The following MYO9B variants were observed in gnomAD, a reference collection of about 807,000 sequenced individuals.
MYO9B encodes the protein unconventional myosin-IXb.
Under a neutral mutation model 229.5 loss-of-function variants are expected in MYO9B, and 71 were observed. That is an observed-to-expected ratio of 0.31 (90% CI 0.26 to 0.38). MYO9B has a LOEUF of 0.38. MYO9B is among the 10% of genes least tolerant of loss of function. The pLI, the probability that MYO9B is intolerant of heterozygous loss-of-function variation, is 1.00. For missense variants in MYO9B, 2,255 were observed against 2,920.5 expected (o/e 0.77, Z 5.25); for synonymous variants, 1,185 against 1,235.8 (o/e 0.96, Z 0.86).
At chr19:17,198,090 C>G (rs916523466) in intron 23 of MYO9B, 94 bp from the exon 24 acceptor site, 1 of 1,519,734 alleles carries the variant, frequency 6.6e-7, no homozygotes, top group African/African-American at 1.4e-5. Flanking sequence ...GAAGTGAGGT[C>G]GGTGGATGGA....
intron 25 of MYO9B, 101 bp downstream of exon 25, chr19:17,200,527 C>A: frequency 1.3e-6 from 2 of 1,509,680 alleles, no homozygotes; most frequent in South Asian, 1.3e-5. Context: ...GTGGGCCAAG[C>A]CCTAGGCACA....
intron 1 of MYO9B, among the ~76,000 whole-genome samples, chr19:17,098,049 C>T (rs1005999576): frequency 1.4e-5 from 2 of 147,780 alleles, no homozygotes; most frequent in African/African-American, 2.5e-5. Flanking sequence ...TTCAGAACCC[C>T]CCCCCCCCAC....
chr19:17,211,277 G>C (rs2073225833), intron 38 of MYO9B, among the ~76,000 whole-genome samples: 1 of 151,800 alleles, frequency 6.6e-6, no homozygotes, highest in Admixed American at 6.6e-5. Context: ...CACCGCACTC[G>C]GCCTTTATTT....
chr19:17,158,104 C>T lies in MYO9B; in HGVS notation c.1329+1066C>T, dbSNP rs185821134. Among the ~76,000 whole-genome samples, 9 of 152,264 alleles carry T rather than the reference C, an allele frequency of 5.9e-5. No homozygotes were observed. In the East Asian group the frequency reaches 9.7e-4, roughly 16 times the overall value. ...CACCCCACAGCGCACAGGACAGCCC[C>T]CCAATGGCAAAGAATTATCCAACCC... On this transcript the variant is annotated intron_variant, in intron 7 of 39. Transcript: ENST00000682292.
In MYO9B at chr19:17,206,158, C is replaced by T. The variant is rs201698829; in HGVS notation, c.5257+6C>T. The T allele has an allele frequency of 4.1e-4, 654 of 1,608,496 alleles. 1 individual carries two copies. Among genetic ancestry groups the T allele is most frequent in the African/African-American group, 1.9e-3 (140 of 74,972 alleles). ...CCGGCAGGCGCTGCAGACAGGTGGG[C>T]GCTGTGGGCAGGTGGGTGCAGTGCC... On this transcript the variant is annotated splice_donor_region_variant and intron_variant, in intron 32 of 39. Coordinates refer to ENST00000682292, the MANE Select transcript of MYO9B (RefSeq NM_004145.4).
At chr19:17,128,928 T>C (rs986978004) in intron 2 of MYO9B, among the ~76,000 whole-genome samples, 3 of 152,178 alleles carry the variant, frequency 2.0e-5, no homozygotes, top group Admixed American at 6.5e-5. Flanking sequence ...GGTGGCTCGA[T>C]ATTTGCAGAT....
At chr19:17,194,369 G>T (rs531940565) in intron 21 of MYO9B, among the ~76,000 whole-genome samples, 187 bp from the exon 22 acceptor site, 5 of 152,080 alleles carry the variant, frequency 3.3e-5, no homozygotes, top group Non-Finnish European at 5.9e-5. Context: ...TGACACTGAG[G>T]GGGCACCACC....
intron 8 of MYO9B, among the ~76,000 whole-genome samples, chr19:17,160,501 CT>C (rs957502995): frequency 3.4e-5 from 4 of 118,536 alleles, no homozygotes; most frequent in African/African-American, 1.7e-4. Context: ...TTAAGAGCTT[CT>C]TTTTTTTCTT....
At chr19:17,113,755 G>A (rs1164107127) in intron 2 of MYO9B, among the ~76,000 whole-genome samples, 1 of 152,118 alleles carries the variant, frequency 6.6e-6, no homozygotes, top group Non-Finnish European at 1.5e-5. Context: ...CAGTTTTTGG[G>A]GGCCCTGGGT....
In MYO9B at chr19:17,200,802, G is replaced by T. The variant is rs1208264321; in HGVS notation, c.4536G>T (p.Lys1512Asn). 6.2e-7 allele frequency: 1 copy of T among 1,613,912 alleles called. No individual in the cohort carries two copies. The highest frequency in any genetic ancestry group is 1.1e-5 in the South Asian group (1 of 91,090). The change falls in exon 26 of 40, where the codon AAG (lysine) becomes AAT (asparagine). Residue 1512 changes from lysine (K) to asparagine (N), a missense_variant. This residue lies in a region of MYO9B where 416 missense variants were observed against 605.5 expected (regional missense o/e 0.69). Coordinates refer to ENST00000682292, the MANE Select transcript of MYO9B (RefSeq NM_004145.4). The stretch of plus-strand genomic sequence containing the variant: ...AGATCACCAACGCCAATGAGCTCAA[G>T]TACCTGGACGAGTTCCTGCTCAACA... ...FRQITNANELKYLDEFLLNKI... is the reference protein window; with the variant it reads ...FRQITNANELNYLDEFLLNKI...
intron 2 of MYO9B, among the ~76,000 whole-genome samples, chr19:17,128,525 C>T (rs536410608): frequency 4.6e-5 from 7 of 152,248 alleles, no homozygotes; most frequent in African/African-American, 9.6e-5. Flanking sequence ...CAGAACCCCC[C>T]GGTCCCTCAG....
intron 2 of MYO9B, among the ~76,000 whole-genome samples, chr19:17,128,966 G>A (rs1462614438): frequency 6.6e-6 from 1 of 152,164 alleles, no homozygotes; most frequent in Non-Finnish European, 1.5e-5. Flanking sequence ...AGCCTCTCTT[G>A]GCCATACCGG....
Position 17,147,716 on chromosome 19 carries a change from G to A in MYO9B, c.935+2225G>A, listed in dbSNP as rs552553248. On this transcript the variant is annotated intron_variant, in intron 3 of 39. Transcript: ENST00000682292. Reference sequence around the variant, plus strand: ...TTTTTTTTTTTTGAGACAGAGTTTCGCTCTTATTGCCCAGGCTGGAGTACA... The same window carrying A: ...TTTTTTTTTTTTGAGACAGAGTTTCACTCTTATTGCCCAGGCTGGAGTACA... Among the ~76,000 whole-genome samples, 313 of 86,738 alleles carry A rather than the reference G, an allele frequency of 3.6e-3. 1 individual carries two copies. Among genetic ancestry groups the A allele is most frequent in the Non-Finnish European group, 4.9e-3 (235 of 48,248 alleles). 56.9% of individuals were successfully genotyped at this position (86,738 alleles called of 152,430 possible). A position where few individuals can be genotyped will look rare whatever the true frequency, so the allele number is the denominator to read the frequency against.
chr19:17,195,552 T>C lies in MYO9B; in HGVS notation c.4046+79T>C. On this transcript the variant is annotated intron_variant, in intron 22 of 39. Transcript: ENST00000682292. This position sits in a 1 kb window ranked among gnomAD's most constrained non-coding sequence, Gnocchi z 4.5. ...AGGCCAGGGGCAGTGCCACACATCC[T>C]GGAAACACATGTGTAATCATGCCCA... 6.7e-7 allele frequency: 1 copy of C among 1,488,674 alleles called. No homozygotes were observed. Among genetic ancestry groups the C allele is most frequent in the Non-Finnish European group, 9.0e-7 (1 of 1,108,406 alleles). The allele number at this position is 1,488,674 out of a possible 1,614,324, so 92.2% of individuals were successfully genotyped here.
At position 17,206,382 on chromosome 19, in the gene MYO9B, C is replaced by T. The variant is rs1040454898; in HGVS notation, c.5386+6C>T. The T allele has an allele frequency of 6.2e-7, 1 of 1,608,884 alleles. No homozygotes were observed. Among genetic ancestry groups the T allele is most frequent in the Non-Finnish European group, 8.5e-7 (1 of 1,179,130 alleles). ...CGACTTCCTCCGAGCCGTCGGTGAGCCCCATGGCGGTGCGGGTGGCAGCAG... is the reference window on the plus strand; with the variant it reads ...CGACTTCCTCCGAGCCGTCGGTGAGTCCCATGGCGGTGCGGGTGGCAGCAG... On this transcript the variant is annotated splice_donor_region_variant and intron_variant, in intron 33 of 39. Coordinates refer to ENST00000682292, the MANE Select transcript of MYO9B (RefSeq NM_004145.4).
rs1474650503 is a variant in MYO9B at position 17,202,877 on chromosome 19, G to C, written c.4872G>C (p.Glu1624Asp). 2.5e-6 allele frequency: 4 copies of C among 1,602,030 alleles called. No homozygotes were observed. The highest frequency in any genetic ancestry group is 2.6e-6 in the Non-Finnish European group (3 of 1,174,424). ...SKAQKKKRKQ[E>D]RAVQEHNGHV... ...CTCAGAAGAAGAAGCGGAAGCAGGA[G>C]CGTGCTGTGAGTAGGCTGCACATAG... Residue 1624 changes from glutamate to aspartate, a missense_variant, in exon 29 of 40, where the codon GAG (glutamate) becomes GAC (aspartate). This residue lies in a region of MYO9B where 416 missense variants were observed against 605.5 expected (regional missense o/e 0.69). Transcript: ENST00000682292.
chr19:17,195,391 GC>G lies in MYO9B; in HGVS notation c.3966del (p.Ser1323AlafsTer130), dbSNP rs1568296848. On this transcript the variant is annotated frameshift_variant, in exon 22 of 40. Coordinates refer to ENST00000682292, the MANE Select transcript of MYO9B (RefSeq NM_004145.4). LOFTEE classifies it high-confidence loss of function. The surrounding 1 kb of genome is among the most constrained non-coding windows in gnomAD (Gnocchi z 4.5). Reference protein sequence around the residue: ...LWRGKKLVAAASPSAMLSQSL... With the variant: ...LWRGKKLVAAXSPSAMLSQSL... ...GCGGGGCAAGAAGCTGGTGGCCGCC[GC>G]CAGCCCTAGTGCCATGCTCAGCCAG... is the stretch of plus-strand genomic sequence containing the variant. 6.2e-7 allele frequency: 1 copy of G among 1,609,462 alleles called. No individual in the cohort carries two copies. Among genetic ancestry groups the G allele is most frequent in the Non-Finnish European group, 8.5e-7 (1 of 1,179,310 alleles).
In MYO9B at chr19:17,193,703, T is replaced by C. The variant is rs2145453176; in HGVS notation, c.3128+641T>C. Among the ~76,000 whole-genome samples the C allele has an allele frequency of 6.6e-6, 1 of 151,972 alleles. No individual in the cohort carries two copies. The highest frequency in any genetic ancestry group is 1.9e-4 in the East Asian group (1 of 5,148). On this transcript the variant is annotated intron_variant, in intron 21 of 39. Transcript: ENST00000682292. This position sits in a 1 kb window ranked among gnomAD's most constrained non-coding sequence, Gnocchi z 4.3. ...GACCAGCCTGGCCAATATAGCAAGA[T>C]GCCATCTCTACACAAAATTAAAGAC...
chr19:17,099,815 TAAAAAAAAAA>T (rs34945453), intron 1 of MYO9B, among the ~76,000 whole-genome samples: 1 of 116,298 alleles, frequency 8.6e-6, no homozygotes, highest in Non-Finnish European at 1.7e-5. Context: ...GAGACTGTCT[TAAAAAAAAAA>T]AAAAAAAAAA....
Sources: allele counts gnomAD v4.1 joint callset (sites outside exome capture counted in the v4.1 genomes callset), GRCh38; gene constraint gnomAD v4.1.1; regional missense constraint gnomAD v4.1.1; non-coding constraint Gnocchi (gnomAD v3.1); transcripts MANE v1.5; gene names NCBI Gene and HGNC (gene_info 2026-07-23, HGNC 2026-07-21).